The following RBFOX1 variants were observed in gnomAD, a reference collection of about 807,000 sequenced individuals.
RBFOX1 encodes the protein RNA binding fox-1 homolog 1, also known as RNA binding protein fox-1 homolog 1.
RBFOX1 carries 8 observed loss-of-function variants against 57.7 expected under a neutral mutation model. That is an observed-to-expected ratio of 0.14 (90% CI 0.08 to 0.25). RBFOX1 has a LOEUF of 0.25. RBFOX1 is among the 10% of genes least tolerant of loss of function. RBFOX1 has a pLI of 1.00. For synonymous variants in RBFOX1, 326 were observed against 222.4 expected (o/e 1.47, Z -4.15); for missense variants, 611 against 548.5 (o/e 1.11, Z -1.14).
intron 4 of RBFOX1, among the ~76,000 whole-genome samples, chr16:7,457,485 G>A (rs1185241633): frequency 9.9e-5 from 15 of 152,140 alleles, no homozygotes; most frequent in Admixed American, 9.8e-4. Flanking sequence ...GCCTTGCCTT[G>A]CATTCTTCTA....
chr16:7,057,238 G>A (rs1051248169), intron 4 of RBFOX1, among the ~76,000 whole-genome samples: 1 of 152,144 alleles, frequency 6.6e-6, no homozygotes, highest in African/African-American at 2.4e-5. Context: ...AAGTATTTAG[G>A]AGATAACTCC....
chr16:6,881,627 C>G (rs1189690583), intron 3 of RBFOX1, among the ~76,000 whole-genome samples: 1 of 152,170 alleles, frequency 6.6e-6, no homozygotes, highest in African/African-American at 2.4e-5. Flanking sequence ...TAACTTGATT[C>G]CCTCTGCAAA....
At chr16:5,858,858 C>T (rs985933155) in intron 3 of RBFOX1, among the ~76,000 whole-genome samples, 1 of 152,104 alleles carries the variant, frequency 6.6e-6, no homozygotes, top group African/African-American at 2.4e-5. Context: ...GTGGCTGGAA[C>T]CAAGTCCCAG....
chr16:7,130,681 T>G (rs951889237), intron 4 of RBFOX1, among the ~76,000 whole-genome samples: 1 of 152,236 alleles, frequency 6.6e-6, no homozygotes, highest in Non-Finnish European at 1.5e-5. Flanking sequence ...AATATAAGAC[T>G]ATAATTTTCT....
chr16:5,680,315 GA>G (rs1567387860), intron 3 of RBFOX1, among the ~76,000 whole-genome samples: 1 of 152,138 alleles, frequency 6.6e-6, no homozygotes, highest in Non-Finnish European at 1.5e-5. Context: ...GGTCTCACCT[GA>G]AAAAAATCTT....
chr16:7,214,626 C>G (rs1014248814), intron 4 of RBFOX1, among the ~76,000 whole-genome samples: 6 of 152,074 alleles, frequency 3.9e-5, no homozygotes, highest in African/African-American at 1.4e-4. Flanking sequence ...CAAATCTGAT[C>G]ATGTCTGAGC....
At chr16:6,722,375 T>A (rs1427277731) in intron 3 of RBFOX1, among the ~76,000 whole-genome samples, 2 of 152,242 alleles carry the variant, frequency 1.3e-5, no homozygotes, top group African/African-American at 4.8e-5. Context: ...GTGAGGAGGT[T>A]GCTCTAAGTC....
At chr16:7,202,807 C>G (rs746620361) in intron 4 of RBFOX1, among the ~76,000 whole-genome samples, 1 of 152,190 alleles carries the variant, frequency 6.6e-6, no homozygotes, top group Non-Finnish European at 1.5e-5. Context: ...CAACAGCCCC[C>G]CACCCTGGCC....
chr16:6,462,725 G>A (rs1597595809), intron 2 of RBFOX1, among the ~76,000 whole-genome samples: 1 of 142,040 alleles, frequency 7.0e-6, no homozygotes, highest in Non-Finnish European at 1.5e-5. Flanking sequence ...CACAAAATTG[G>A]AGCAATTTGA....
chr16:6,871,656 T>G (rs574270468), intron 3 of RBFOX1, among the ~76,000 whole-genome samples: 3 of 150,740 alleles, frequency 2.0e-5, no homozygotes, highest in African/African-American at 7.3e-5. Flanking sequence ...TGTCAACACT[T>G]CTAAACTGGC....
At chr16:6,751,858 A>G (rs1009004268) in intron 3 of RBFOX1, among the ~76,000 whole-genome samples, 1 of 152,208 alleles carries the variant, frequency 6.6e-6, no homozygotes. Flanking sequence ...TTGGACTTAC[A>G]TAATTGAATT....
chr16:6,673,706 C>T lies in RBFOX1; in HGVS notation c.-16+19056C>T, dbSNP rs532983876. ...ATGATGGGTTCTGTGACCCATGTGC[C>T]TGGCAGAGAGAAGAGGCTATGGACA... On this transcript the variant is annotated intron_variant, in intron 3 of 15. Coordinates refer to ENST00000550418, the MANE Select transcript of RBFOX1 (RefSeq NM_018723.4). 6.6e-5 allele frequency among the ~76,000 whole-genome samples: 10 copies of T among 152,276 alleles called. 1 individual carries two copies. In the East Asian group the frequency reaches 9.6e-4, roughly 15 times the overall value.
intron 2 of RBFOX1, among the ~76,000 whole-genome samples, chr16:6,376,300 T>TTGG (rs1286403942): frequency 1.9e-5 from 2 of 104,082 alleles, no homozygotes; most frequent in Non-Finnish European, 4.4e-5. Flanking sequence ...TGTTTGTTGG[T>TTGG]TGGTTGTTGT....
chr16:5,960,381 C>T (rs903405259), intron 4 of RBFOX1, among the ~76,000 whole-genome samples: 2 of 152,108 alleles, frequency 1.3e-5, no homozygotes, highest in African/African-American at 4.8e-5. Context: ...TGACCCAAAC[C>T]TATTAGATTT....
chr16:6,616,295 A>G (rs1245614887), intron 2 of RBFOX1, among the ~76,000 whole-genome samples: 1 of 152,096 alleles, frequency 6.6e-6, no homozygotes, highest in Non-Finnish European at 1.5e-5. Flanking sequence ...TATTAGTTAT[A>G]TGCTATATTA....
At chr16:6,972,359 TG>T (rs1350077629) in intron 3 of RBFOX1, among the ~76,000 whole-genome samples, 1 of 152,120 alleles carries the variant, frequency 6.6e-6, no homozygotes, top group East Asian at 1.9e-4. Context: ...TCTCCTTTCG[TG>T]ACTGGCTTAT....
intron 3 of RBFOX1, among the ~76,000 whole-genome samples, chr16:5,637,711 C>T (rs1030767233): frequency 2.0e-5 from 3 of 152,076 alleles, no homozygotes; most frequent in South Asian, 2.1e-4. Flanking sequence ...GGGAAGGATC[C>T]CTAAGGGTGG....
intron 2 of RBFOX1, among the ~76,000 whole-genome samples, chr16:5,506,818 C>T (rs1459134507): frequency 6.6e-6 from 1 of 152,138 alleles, no homozygotes; most frequent in Non-Finnish European, 1.5e-5. Flanking sequence ...GGAGCTTCCA[C>T]CTTGGGAGTG....
chr16:6,400,610 C>T (rs2093029815), intron 2 of RBFOX1, among the ~76,000 whole-genome samples: 1 of 152,178 alleles, frequency 6.6e-6, no homozygotes, highest in African/African-American at 2.4e-5. Context: ...CAGGCTGGGC[C>T]TTGTAGCTCA....
Sources: gnomAD v4.1 joint callset for allele counts (sites outside exome capture counted in the v4.1 genomes callset) on GRCh38, gnomAD v4.1.1 for gene constraint, MANE v1.5 for transcripts, NCBI Gene and HGNC (gene_info 2026-07-23, HGNC 2026-07-21) for gene names.